ZFHX3: variants seen among roughly 807,000 people sequenced by gnomAD.
ZFHX3 encodes the protein zinc finger homeobox protein 3.
In ZFHX3, 42 loss-of-function variants were observed where a neutral mutation model predicts 279.1. The observed-to-expected ratio is 0.15, with a 90% CI of 0.12 to 0.19. The LOEUF (loss-of-function observed/expected upper bound fraction) is 0.19, where lower values mean the gene tolerates loss of function less well. Ranked by LOEUF, ZFHX3 falls within the 10% of genes least tolerant of loss-of-function variation. The probability of loss-of-function intolerance (pLI) is 1.00; values close to 1 mark genes in which losing one functional copy is unlikely to be tolerated. For missense variants in ZFHX3, 4,981 were observed against 4,754.0 expected, an observed-to-expected ratio of 1.05 and a Z score of -1.40; for synonymous variants, 2,293 against 1,957.8, an observed-to-expected ratio of 1.17 and a Z score of -4.52.
intron 2 of ZFHX3, among the ~76,000 whole-genome samples, chr16:73,580,832 AT>A (rs1283927533): frequency 1.3e-5 from 2 of 151,770 alleles, no homozygotes; most frequent in African/African-American, 2.4e-5. Flanking sequence ...ATAGGAACCC[AT>A]TCATGTGTTT....
intron 5 of ZFHX3, among the ~76,000 whole-genome samples, chr16:73,175,663 C>T (rs751248227): frequency 1.3e-5 from 2 of 152,178 alleles, no homozygotes; most frequent in Non-Finnish European, 2.9e-5. Context: ...GGACTTTTCC[C>T]GCTTCAAGAC....
In ZFHX3 at chr16:73,626,357, T is replaced by C. The variant is rs533100985; in HGVS notation, c.-1547+53823A>G. ...CACGCCTTTGGTTTCCTTGAATCCA[T>C]GTGTGCCCCCTCCCCCCGCCAAAGG... On this transcript the variant is annotated intron_variant, in intron 2 of 17. Coordinates refer to the ZFHX3 transcript ENST00000641206. Among the ~76,000 whole-genome samples the C allele has an allele frequency of 3.2e-4, 48 of 152,146 alleles. No individual in the cohort carries two copies. The South Asian group carries it at 6.2e-3, about 20-fold the overall frequency.
chr16:73,009,769 C>G (rs565158828), intron 1 of ZFHX3, among the ~76,000 whole-genome samples: 1 of 152,254 alleles, frequency 6.6e-6, no homozygotes, highest in African/African-American at 2.4e-5. Context: ...ACCTGTAATT[C>G]CAGCACTTTC....
chr16:73,324,832 G>T (rs372451971), intron 3 of ZFHX3, among the ~76,000 whole-genome samples: 2 of 152,170 alleles, frequency 1.3e-5, no homozygotes, highest in Non-Finnish European at 2.9e-5. Flanking sequence ...TGGGTGTGGA[G>T]CACAGACCTG....
At chr16:73,077,162 C>T (rs1306432946) in intron 8 of ZFHX3, among the ~76,000 whole-genome samples, 1 of 152,080 alleles carries the variant, frequency 6.6e-6, no homozygotes, top group Non-Finnish European at 1.5e-5. Context: ...ATTTATTGAC[C>T]AACATGTTGG....
chr16:73,039,731 C>T (rs890991349), intron 1 of ZFHX3, among the ~76,000 whole-genome samples: 7 of 152,086 alleles, frequency 4.6e-5, no homozygotes, highest in African/African-American at 7.2e-5. Context: ...GATGGAGTTT[C>T]ACCACGTTGC....
At chr16:73,858,107 AAG>A (rs1491012535) in intron 1 of ZFHX3, among the ~76,000 whole-genome samples, 7 of 149,110 alleles carry the variant, frequency 4.7e-5, no homozygotes, top group African/African-American at 1.5e-4. Flanking sequence ...AAAAAAAAAA[AAG>A]AAGAAGAAGA....
rs1026176884 is a variant in ZFHX3, at chr16:72,798,606, C to G, written c.4076G>C (p.Gly1359Ala). The G allele has an allele frequency of 1.2e-6, 2 of 1,613,976 alleles. No homozygotes were observed. The highest frequency in any genetic ancestry group is 2.7e-5 in the African/African-American group (2 of 74,872). ...ADPGSVREDS[G>A]FICWKKGCNQ... The stretch of plus-strand genomic sequence containing the variant: ...GCACCCCTTCTTCCAGCAGATGAAG[C>G]CTGAGTCTTCTCTCACAGAGCCTGG... The change falls in exon 9 of 10, where the codon GGC becomes GCC. Residue 1359 changes from glycine to alanine, a missense_variant. This residue lies in a region of ZFHX3 where 1,751 missense variants were observed against 1,770.0 expected (regional missense o/e 0.99). Transcript: ENST00000268489.
At chr16:73,006,975 A>T (rs1445314749) in intron 1 of ZFHX3, among the ~76,000 whole-genome samples, 1 of 152,258 alleles carries the variant, frequency 6.6e-6, no homozygotes, top group African/African-American at 2.4e-5. Context: ...TTACATGTTG[A>T]GTAAAGACCC....
intron 3 of ZFHX3, among the ~76,000 whole-genome samples, chr16:72,931,330 G>A (rs1818526595): frequency 6.6e-6 from 1 of 150,804 alleles, no homozygotes; most frequent in Admixed American, 6.6e-5. Flanking sequence ...TTCAAATCAA[G>A]AAGGGAGGCA....
chr16:73,029,826 A>G (rs1964631555), intron 1 of ZFHX3, among the ~76,000 whole-genome samples: 1 of 152,182 alleles, frequency 6.6e-6, no homozygotes, highest in South Asian at 2.1e-4. Context: ...CATTGGCAAA[A>G]ATTACAATGG....
chr16:73,663,522 T>C (rs1383356), intron 2 of ZFHX3, among the ~76,000 whole-genome samples: 127,437 of 152,152 alleles, frequency 0.84, 54,141 homozygotes, highest in East Asian at 0.98. Flanking sequence ...GCCACAAACT[T>C]GCTCTCATTT....
intron 2 of ZFHX3, among the ~76,000 whole-genome samples, chr16:73,660,088 A>G (rs1597052367): frequency 6.6e-6 from 1 of 152,340 alleles, no homozygotes; most frequent in Non-Finnish European, 1.5e-5. Flanking sequence ...ATACATTCAG[A>G]ACGGGAAATT....
intron 5 of ZFHX3, among the ~76,000 whole-genome samples, chr16:73,165,113 A>G (rs1967328947): frequency 6.6e-6 from 1 of 152,236 alleles, no homozygotes; most frequent in African/African-American, 2.4e-5. Context: ...TCAGATTTAG[A>G]AAGCTGTGAA....
intron 2 of ZFHX3, among the ~76,000 whole-genome samples, chr16:73,601,079 G>A (rs1433200173): frequency 6.6e-6 from 1 of 151,960 alleles, no homozygotes; most frequent in East Asian, 1.9e-4. Flanking sequence ...TGAAGTGTGA[G>A]AGAACCCAAT....
chr16:72,953,093 G>A (rs1020605585), intron 2 of ZFHX3, among the ~76,000 whole-genome samples: 1 of 151,954 alleles, frequency 6.6e-6, no homozygotes, highest in African/African-American at 2.4e-5. Context: ...CGAGTGATAA[G>A]ATCAGTACAG....
At chr16:73,665,990 G>T (rs2052837989) in intron 2 of ZFHX3, among the ~76,000 whole-genome samples, 1 of 151,148 alleles carries the variant, frequency 6.6e-6, no homozygotes, top group Non-Finnish European at 1.5e-5. Flanking sequence ...TAATTTTTTT[G>T]TATTTTTAGT....
chr16:73,291,657 T>C (rs758618324), intron 4 of ZFHX3, among the ~76,000 whole-genome samples: 6 of 152,220 alleles, frequency 3.9e-5, no homozygotes, highest in Non-Finnish European at 8.8e-5. Flanking sequence ...TCTTAGCACC[T>C]GGTAAGCAGG....
chr16:73,729,352 C>T (rs533337894), intron 1 of ZFHX3, among the ~76,000 whole-genome samples: 1 of 152,160 alleles, frequency 6.6e-6, no homozygotes, highest in African/African-American at 2.4e-5. Flanking sequence ...CATGGTGAAA[C>T]CCTGCCTCCA....
Sources: gnomAD v4.1 joint callset for allele counts (sites outside exome capture counted in the v4.1 genomes callset) on GRCh38, gnomAD v4.1.1 for gene constraint, gnomAD v4.1.1 regional missense constraint, MANE v1.5 for transcripts, NCBI Gene and HGNC (gene_info 2026-07-23, HGNC 2026-07-21) for gene names.